The following CNTFR variants were observed in gnomAD, a reference collection of about 807,000 sequenced individuals.
CNTFR encodes ciliary neurotrophic factor receptor subunit alpha.
In CNTFR, 12 loss-of-function variants were observed where a neutral mutation model predicts 40.4. The observed-to-expected ratio is 0.30, with a 90% CI of 0.19 to 0.48. CNTFR has a LOEUF of 0.48. Ranked by LOEUF, CNTFR falls within the 20% of genes least tolerant of loss-of-function variation. The pLI, the probability that CNTFR is intolerant of heterozygous loss-of-function variation, is 0.99. For synonymous variants in CNTFR, 202 were observed against 209.6 expected (o/e 0.96, Z 0.31); for missense variants, 414 against 506.8 (o/e 0.82, Z 1.76).
chr9:34,574,708 G>A (rs960836523), intron 2 of CNTFR, among the ~76,000 whole-genome samples: 6 of 152,372 alleles, frequency 3.9e-5, no homozygotes, highest in South Asian at 4.1e-4. Context: ...CTCCACAGCC[G>A]GAGATGGGGT....
At chr9:34,577,938 T>TG (rs1477553470) in intron 2 of CNTFR, among the ~76,000 whole-genome samples, 2 of 130,342 alleles carry the variant, frequency 1.5e-5, no homozygotes, top group African/African-American at 5.6e-5. Flanking sequence ...CTGGGCGGGC[T>TG]GGCGGGCGGG....
chr9:34,556,117 C>T, intron 7 of CNTFR, 138 bp downstream of exon 7: 1 of 996,946 alleles, frequency 1.0e-6, no homozygotes, highest in Non-Finnish European at 1.5e-6. Context: ...CTCCCAGGCC[C>T]ACCTGTCCCT....
chr9:34,555,907 TCTCCCTCCCCTGCCATCTCCCTCCCC>T, intron 7 of CNTFR, among the ~76,000 whole-genome samples: 1 of 50,866 alleles, frequency 2.0e-5, no homozygotes, highest in East Asian at 5.5e-4. Flanking sequence ...TCCCCCGCCA[TCTCCCTCCCCTGCCATCTCCCTCCCC>T]CGCCATCTCC....
At chr9:34,573,960 G>A (rs1001370836) in intron 2 of CNTFR, among the ~76,000 whole-genome samples, 1 of 152,236 alleles carries the variant, frequency 6.6e-6, no homozygotes, top group Non-Finnish European at 1.5e-5. Context: ...TGGGCAGGGA[G>A]GAACAGTACT....
Position 34,552,593 on chromosome 9 carries a change from G to T in CNTFR, c.949+81C>A. ...CCCCCGGGAGCAGAGGCTGGAGGCA[G>T]CAGGGTAGAACCAGGCCACAGGTTC... On this transcript the variant is annotated intron_variant, in intron 8 of 9. Coordinates refer to ENST00000378980, the MANE Select transcript of CNTFR (RefSeq NM_147164.3). The surrounding 1 kb of genome is among the most constrained non-coding windows in gnomAD (Gnocchi z 5.1). The T allele has an allele frequency of 7.0e-7, 1 of 1,419,924 alleles. No homozygotes were observed. The highest frequency in any genetic ancestry group is 9.5e-7 in the Non-Finnish European group (1 of 1,055,492). The allele number at this position is 1,419,924 out of a possible 1,614,324, so 88.0% of individuals were successfully genotyped here.
chr9:34,575,330 T>C (rs1388190448), intron 2 of CNTFR, among the ~76,000 whole-genome samples: 1 of 152,102 alleles, frequency 6.6e-6, no homozygotes, highest in Non-Finnish European at 1.5e-5. Context: ...ACTGCTCCTC[T>C]TGTAGGGACA....
intron 1 of CNTFR, among the ~76,000 whole-genome samples, chr9:34,584,209 T>C (rs1827448680): frequency 6.6e-6 from 1 of 152,248 alleles, no homozygotes; most frequent in Non-Finnish European, 1.5e-5. Context: ...CAGACTCTCT[T>C]AGAAGGAAAT....
chr9:34,589,187 G>A lies in CNTFR; in HGVS notation c.-112+368C>T, dbSNP rs1210917977. ...TCTGCCCGAGAAAGAAGCCACCTTT[G>A]GGCGCGCAAAGGCCACTACGAACCT... is the stretch of plus-strand genomic sequence containing the variant. On this transcript the variant is annotated intron_variant, in intron 1 of 9. Transcript: ENST00000378980. This position sits in a 1 kb window ranked among gnomAD's most constrained non-coding sequence, Gnocchi z 4.4. Among the ~76,000 whole-genome samples, 3 of 152,036 alleles carry A rather than the reference G, an allele frequency of 2.0e-5. No individual in the cohort carries two copies. The highest frequency in any genetic ancestry group is 4.4e-5 in the Non-Finnish European group (3 of 67,998).
At chr9:34,559,093 C>T (rs1056265291) in intron 4 of CNTFR, among the ~76,000 whole-genome samples, 6 of 152,286 alleles carry the variant, frequency 3.9e-5, no homozygotes, top group African/African-American at 1.4e-4. Flanking sequence ...TGCCTCCCCC[C>T]TCCCCCGCCC....
chr9:34,576,637 C>G (rs1168850111), intron 2 of CNTFR, among the ~76,000 whole-genome samples: 1 of 152,240 alleles, frequency 6.6e-6, no homozygotes, highest in African/African-American at 2.4e-5. Flanking sequence ...CTTCCCCAAA[C>G]CCTGCTTTCA....
intron 1 of CNTFR, among the ~76,000 whole-genome samples, chr9:34,581,630 A>G (rs181754291): frequency 5.3e-5 from 8 of 152,228 alleles, no homozygotes; most frequent in African/African-American, 1.7e-4. Flanking sequence ...TTGAGCATCT[A>G]TTATATGCCA....
chr9:34,573,602 G>A (rs545690863), intron 2 of CNTFR, among the ~76,000 whole-genome samples: 2 of 152,192 alleles, frequency 1.3e-5, no homozygotes, highest in Non-Finnish European at 2.9e-5. Context: ...ATCTGATGAA[G>A]GGCATCCGGC....
In CNTFR at chr9:34,552,700, T is replaced by A; in HGVS notation, c.923A>T (p.His308Leu). ...CGCAGCCTGGGCCTCCGTGGTGAGG[T>A]GTCGCGGTTCCTCAGTCCAGGGCGT... ...HATPWTEEPR[H>L]LTTEAQAAET... Residue 308 changes from histidine to leucine, a missense_variant, in exon 8 of 10, where the codon CAC (histidine) becomes CTC (leucine). Physicochemically the swap from His to Leu is moderately conservative, Grantham distance 99. Coordinates refer to ENST00000378980, the MANE Select transcript of CNTFR (RefSeq NM_147164.3). The surrounding 1 kb of genome is among the most constrained non-coding windows in gnomAD (Gnocchi z 5.1). The A allele has an allele frequency of 6.2e-7, 1 of 1,613,546 alleles. No homozygotes were observed. The highest frequency in any genetic ancestry group is 1.1e-5 in the South Asian group (1 of 91,064).
intron 2 of CNTFR, among the ~76,000 whole-genome samples, chr9:34,577,714 C>G (rs1169485542): frequency 6.6e-6 from 1 of 152,212 alleles, no homozygotes; most frequent in African/African-American, 2.4e-5. Flanking sequence ...GAGCCCCCTC[C>G]CCTCTCAGAG....
intron 2 of CNTFR, among the ~76,000 whole-genome samples, chr9:34,578,597 C>G (rs918836727): frequency 2.0e-5 from 3 of 152,226 alleles, no homozygotes; most frequent in Non-Finnish European, 4.4e-5. Context: ...CTACCTTCCT[C>G]CTCCCGGGGT....
intron 1 of CNTFR, among the ~76,000 whole-genome samples, chr9:34,583,855 G>A (rs1827434897): frequency 6.6e-6 from 1 of 152,198 alleles, no homozygotes; most frequent in African/African-American, 2.4e-5. Flanking sequence ...GGCCCACAAG[G>A]GTCAGCTCAT....
At chr9:34,572,805 C>A (rs767427936) in intron 2 of CNTFR, among the ~76,000 whole-genome samples, 4 of 152,234 alleles carry the variant, frequency 2.6e-5, no homozygotes, top group Admixed American at 6.5e-5. Context: ...GTGACAGTCA[C>A]ATACATTGAC....
Position 34,557,388 on chromosome 9 carries a change from T to C in CNTFR, c.604+138A>G. ...TCATGCATATATGTGCACATATATGTGCACTGTACATACCTGTGCAGAGGC... is the reference window on the plus strand; with the variant it reads ...TCATGCATATATGTGCACATATATGCGCACTGTACATACCTGTGCAGAGGC... On this transcript the variant is annotated intron_variant, in intron 6 of 9. Transcript: ENST00000378980. The surrounding 1 kb of genome is among the most constrained non-coding windows in gnomAD (Gnocchi z 4.2). 1.1e-6 allele frequency: 1 copy of C among 881,572 alleles called. No homozygotes were observed. Among genetic ancestry groups the C allele is most frequent in the South Asian group, 1.8e-5 (1 of 56,682 alleles). 54.6% of individuals were successfully genotyped at this position (881,572 alleles called of 1,614,324 possible). A position where few individuals can be genotyped will look rare whatever the true frequency, so the allele number is the denominator to read the frequency against.
In CNTFR at chr9:34,552,686, C is replaced by A. The variant is rs148059931; in HGVS notation, c.937G>T (p.Ala313Ser). ...TEEPRHLTTE[A>S]QAAETTTSTT... ...GGAGCAAGCTCACCCGCAGCCTGGGCCTCCGTGGTGAGGTGTCGCGGTTCC... is the reference window on the plus strand; with the variant it reads ...GGAGCAAGCTCACCCGCAGCCTGGGACTCCGTGGTGAGGTGTCGCGGTTCC... Residue 313 changes from alanine (A) to serine (S), a missense_variant, in exon 8 of 10, where the codon GCC becomes TCC. Physicochemically the swap from Ala to Ser is moderately conservative, Grantham distance 99. Coordinates refer to ENST00000378980, the MANE Select transcript of CNTFR (RefSeq NM_147164.3). The surrounding 1 kb of genome is among the most constrained non-coding windows in gnomAD (Gnocchi z 5.1). The A allele has an allele frequency of 3.8e-5, 62 of 1,613,158 alleles. No homozygotes were observed. In the African/African-American group the frequency reaches 6.8e-4, roughly 18 times the overall value.
Sources: allele counts gnomAD v4.1 joint callset (sites outside exome capture counted in the v4.1 genomes callset), GRCh38; gene constraint gnomAD v4.1.1; non-coding constraint Gnocchi (gnomAD v3.1); transcripts MANE v1.5; gene names NCBI Gene and HGNC (gene_info 2026-07-23, HGNC 2026-07-21).